TBC1D5: variants seen among roughly 807,000 people sequenced by gnomAD.
TBC1D5 encodes the protein TBC1 domain family, member 5.
A neutral mutation model predicts 100.3 loss-of-function variants in TBC1D5; 75 were observed. The ratio of observed to expected loss-of-function variants is 0.75; its 90% CI spans 0.62 to 0.91. TBC1D5 has a LOEUF of 0.91. TBC1D5 is among the 40% of genes least tolerant of loss of function. The probability of loss-of-function intolerance (pLI) is 0.00; values close to 1 mark genes in which losing one functional copy is unlikely to be tolerated. For missense variants in TBC1D5, 910 were observed against 942.4 expected, an observed-to-expected ratio of 0.97 and a Z score of 0.45; for synonymous variants, 323 against 325.6, an observed-to-expected ratio of 0.99 and a Z score of 0.09.
chr3:17,346,800 G>T (rs975675122), intron 13 of TBC1D5, among the ~76,000 whole-genome samples: 6 of 152,094 alleles, frequency 3.9e-5, no homozygotes, highest in Non-Finnish European at 5.9e-5. Flanking sequence ...GTCCCAAATA[G>T]ATAATAAATT....
intron 2 of TBC1D5, among the ~76,000 whole-genome samples, chr3:17,533,317 A>AT (rs1401975869): frequency 2.0e-5 from 3 of 152,210 alleles, no homozygotes; most frequent in Non-Finnish European, 4.4e-5. Flanking sequence ...TCAACAAAAC[A>AT]TATCAATTTC....
intron 17 of TBC1D5, among the ~76,000 whole-genome samples, chr3:17,232,387 T>C (rs2075498131): frequency 6.6e-6 from 1 of 152,208 alleles, no homozygotes; most frequent in Admixed American, 6.6e-5. Flanking sequence ...AATTTAATTT[T>C]AGAAAACAAA....
chr3:17,525,618 GTAA>G (rs2096124126), intron 2 of TBC1D5, among the ~76,000 whole-genome samples: 1 of 151,894 alleles, frequency 6.6e-6, no homozygotes, highest in Non-Finnish European at 1.5e-5. Context: ...ATTAAATATG[GTAA>G]TAATGTCTAT....
intron 15 of TBC1D5, among the ~76,000 whole-genome samples, chr3:17,286,290 T>C (rs898812938): frequency 9.2e-5 from 14 of 152,250 alleles, no homozygotes; most frequent in Non-Finnish European, 1.9e-4. Context: ...AAACCTTTTT[T>C]CCTAGCCCTT....
At chr3:17,723,534 A>G (rs573958781) in intron 1 of TBC1D5, among the ~76,000 whole-genome samples, 1 of 152,294 alleles carries the variant, frequency 6.6e-6, no homozygotes, top group South Asian at 2.1e-4. Context: ...TAATTTTCTA[A>G]GAATAAAATA....
At chr3:17,304,603 A>C (rs1313562409) in intron 14 of TBC1D5, among the ~76,000 whole-genome samples, 1 of 152,104 alleles carries the variant, frequency 6.6e-6, no homozygotes, top group Non-Finnish European at 1.5e-5. Context: ...ATGGGGTTTC[A>C]CCACGTGTCT....
intron 17 of TBC1D5, among the ~76,000 whole-genome samples, chr3:17,221,584 T>A (rs532162612): frequency 6.6e-6 from 1 of 152,136 alleles, no homozygotes; most frequent in Admixed American, 6.6e-5. Flanking sequence ...CTTGACCTGG[T>A]GTTGCTGGCC....
intron 1 of TBC1D5, among the ~76,000 whole-genome samples, chr3:17,721,238 A>G (rs1003025295): frequency 6.6e-6 from 1 of 152,216 alleles, no homozygotes; most frequent in African/African-American, 2.4e-5. Context: ...ATTTTATAGA[A>G]ATAAGTATTC....
At chr3:17,209,083 A>C (rs1051747193) in intron 18 of TBC1D5, among the ~76,000 whole-genome samples, 5 of 152,196 alleles carry the variant, frequency 3.3e-5, no homozygotes, top group African/African-American at 9.7e-5. Flanking sequence ...TCTCCCCAGA[A>C]ACAACCATTT....
chr3:17,559,642 T>C (rs1438185082), intron 2 of TBC1D5, among the ~76,000 whole-genome samples: 4 of 150,676 alleles, frequency 2.7e-5, no homozygotes, highest in African/African-American at 9.8e-5. Context: ...CTGGCTGGAG[T>C]GCAACGGCGC....
chr3:17,477,811 T>C (rs1168608316), intron 3 of TBC1D5, among the ~76,000 whole-genome samples: 1 of 152,106 alleles, frequency 6.6e-6, no homozygotes, highest in Admixed American at 6.5e-5. Flanking sequence ...CATTGCTTTC[T>C]AGGTTATATT....
intron 3 of TBC1D5, among the ~76,000 whole-genome samples, chr3:17,469,609 A>G (rs1243251541): frequency 1.3e-5 from 2 of 152,350 alleles, no homozygotes; most frequent in East Asian, 3.9e-4. Context: ...AATGAGGAAT[A>G]AAGGGGTTTA....
intron 2 of TBC1D5, among the ~76,000 whole-genome samples, chr3:17,604,696 T>C (rs2061220502): frequency 6.6e-6 from 1 of 152,198 alleles, no homozygotes; most frequent in Non-Finnish European, 1.5e-5. Flanking sequence ...TTGGTTTGGT[T>C]TTGAGACAGA....
chr3:17,396,535 T>G (rs1450454543), intron 8 of TBC1D5, among the ~76,000 whole-genome samples: 1 of 151,954 alleles, frequency 6.6e-6, no homozygotes, highest in East Asian at 1.9e-4. Flanking sequence ...ACCAAATTAC[T>G]GGGAGTATTT....
intron 18 of TBC1D5, among the ~76,000 whole-genome samples, chr3:17,211,973 G>C (rs1000285827): frequency 2.6e-5 from 4 of 152,196 alleles, no homozygotes; most frequent in Admixed American, 2.6e-4. Flanking sequence ...AGATAAGGTG[G>C]TTAAAACGCC....
At chr3:17,554,371 T>G (rs2096497655) in intron 2 of TBC1D5, among the ~76,000 whole-genome samples, 1 of 152,204 alleles carries the variant, frequency 6.6e-6, no homozygotes, top group South Asian at 2.1e-4. Context: ...TTCTAATGGC[T>G]GCTCACAGCT....
At chr3:17,203,933 G>C (rs1194358625) in intron 18 of TBC1D5, among the ~76,000 whole-genome samples, 1 of 152,154 alleles carries the variant, frequency 6.6e-6, no homozygotes, top group East Asian at 1.9e-4. Context: ...TAGCTATGAG[G>C]AACAACCAAA....
At position 17,199,992 on chromosome 3, in the gene TBC1D5, T is replaced by A. The variant is rs568389545; in HGVS notation, c.1752+14215A>T. Among the ~76,000 whole-genome samples the A allele has an allele frequency of 2.0e-5, 3 of 152,298 alleles. 1 individual carries two copies. In the Middle Eastern group the frequency reaches 0.01, roughly 518 times the overall value. On this transcript the variant is annotated intron_variant, in intron 18 of 21. Transcript: ENST00000253692. ...GAAAGCCAGAAGTCTGAGTCTAGTC[T>A]TGGGTCTATGAACAACTGATGAGCT...
intron 2 of TBC1D5, among the ~76,000 whole-genome samples, chr3:17,590,548 C>T (rs991176111): frequency 3.3e-5 from 5 of 152,108 alleles, no homozygotes; most frequent in African/African-American, 1.2e-4. Context: ...GAAGATACAC[C>T]CTTGACCAAT....
Sources: allele counts gnomAD v4.1 joint callset (sites outside exome capture counted in the v4.1 genomes callset), GRCh38; gene constraint gnomAD v4.1.1; transcripts MANE v1.5; gene names NCBI Gene and HGNC (gene_info 2026-07-23, HGNC 2026-07-21).